The following KMT2D variants were observed in gnomAD, a reference collection of about 807,000 sequenced individuals.
KMT2D encodes the protein histone-lysine N-methyltransferase 2D.
A neutral mutation model predicts 512.7 loss-of-function variants in KMT2D; 55 were observed. That is an observed-to-expected ratio of 0.11 (90% CI 0.09 to 0.13). The LOEUF (loss-of-function observed/expected upper bound fraction) is 0.13. Ranked by LOEUF, KMT2D falls within the 10% of genes least tolerant of loss-of-function variation. The pLI is 1.00. For synonymous variants in KMT2D, 2,995 were observed against 2,904.0 expected, an observed-to-expected ratio of 1.03 and a Z score of -1.01; for missense variants, 6,061 against 7,127.9, an observed-to-expected ratio of 0.85 and a Z score of 5.39.
At chr12:49,023,180 C>T (rs1565754430) in intron 51 of KMT2D, among the ~76,000 whole-genome samples, 1 of 152,150 alleles carries the variant, frequency 6.6e-6, no homozygotes, top group Admixed American at 6.5e-5. Context: ...TCTCCCATCT[C>T]CCACTTCCTA....
chr12:49,020,291 G>T lies in KMT2D; in HGVS notation c.*1489C>A. The T allele has an allele frequency of 5.9e-6, 1 of 170,304 alleles. No individual in the cohort carries two copies. Among genetic ancestry groups the T allele is most frequent in the Non-Finnish European group, 1.3e-5 (1 of 78,652 alleles). The allele number at this position is 170,304 out of a possible 1,614,324, so 10.5% of individuals were successfully genotyped here. ...ACAGCAGTCACAGCCAGGGGGTGGG[G>T]AGTGGGGTGGGGGGTGAGGAAAAGG... On this transcript the variant is annotated 3_prime_UTR_variant, in exon 55 of 55. Transcript: ENST00000301067.
At position 49,053,334 on chromosome 12, in the gene KMT2D, A is replaced by G. The variant is rs773913309; in HGVS notation, c.840-13T>C. ...ATTCCCAGGTTTCCTGCAGGTGCAC[A>G]TGGAACATTACAGTGTCCTCTCTGC... On this transcript the variant is annotated splice_polypyrimidine_tract_variant and intron_variant, in intron 7 of 54. Coordinates refer to ENST00000301067, the MANE Select transcript of KMT2D (RefSeq NM_003482.4). 3 of 1,609,256 alleles carry G rather than the reference A, an allele frequency of 1.9e-6. No homozygotes were observed. The highest frequency in any genetic ancestry group is 2.6e-6 in the Non-Finnish European group (3 of 1,175,796).
rs1938679545 is a variant in KMT2D at position 49,060,396 on chromosome 12, GCCCCGC to G, written c.-827_-822del. 6.6e-6 allele frequency among the ~76,000 whole-genome samples: 1 copy of G among 151,954 alleles called. No individual in the cohort carries two copies. The highest frequency in any genetic ancestry group is 1.5e-5 in the Non-Finnish European group (1 of 67,928). ...CCCTTCCCCTCTGGCCTCGGGAGCT[GCCCCGC>G]CCCCGGCCTGGCCGGCTCTGGTCGG... On this transcript the variant is annotated 5_prime_UTR_variant, in exon 1 of 55. Coordinates refer to ENST00000301067, the MANE Select transcript of KMT2D (RefSeq NM_003482.4).
Position 49,037,927 on chromosome 12 carries a change from GGGCTCT to G in KMT2D, c.9423_9428del (p.Glu3142_Pro3143del). The stretch of plus-strand genomic sequence containing the variant: ...GGCCAAGGGAATTGGCAGCAGGTGC[GGGCTCT>G]ACCTTGGGGGTAGCAATGGTGAATT... On this transcript the variant is annotated inframe_deletion, in exon 35 of 55. Transcript: ENST00000301067. 6.2e-7 allele frequency: 1 copy of G among 1,604,598 alleles called. No individual in the cohort carries two copies. The highest frequency in any genetic ancestry group is 8.5e-7 in the Non-Finnish European group (1 of 1,175,886).
chr12:49,031,986 G>A lies in KMT2D; in HGVS notation c.12719C>T (p.Thr4240Ile), dbSNP rs749722861. Residue 4240 changes from threonine (T) to isoleucine (I), a missense_variant, in exon 40 of 55, where the codon ACC (threonine) becomes ATC (isoleucine). By Grantham distance (89) the Thr-to-Ile change is moderately conservative (BLOSUM62 -1). Around this residue, in one of 16 missense-constraint regions of KMT2D, gnomAD observed 1,600 missense variants for 1,754.9 expected, o/e 0.91. Transcript: ENST00000301067. The part of the protein sequence containing the change: ...QLQQSQAVRQ[T>I]PPYQEPGTQT... ...GGTCCCAGGCTCCTGGTAGGGTGGGGTCTGGCGTACTGCCTGACTCTGCTG... is the reference window on the plus strand; with the variant it reads ...GGTCCCAGGCTCCTGGTAGGGTGGGATCTGGCGTACTGCCTGACTCTGCTG... 3 of 1,586,986 alleles carry A rather than the reference G, an allele frequency of 1.9e-6. No homozygotes were observed. Among genetic ancestry groups the A allele is most frequent in the Non-Finnish European group, 2.6e-6 (3 of 1,164,024 alleles).
intron 2 of KMT2D, 104 bp from the exon 3 acceptor site, chr12:49,055,130 G>A (rs2120717074): frequency 2.6e-6 from 4 of 1,559,490 alleles, no homozygotes; most frequent in Non-Finnish European, 2.6e-6. Flanking sequence ...GGATCAGAGT[G>A]ATGATATTTC....
At position 49,024,628 on chromosome 12, in the gene KMT2D, G is replaced by T; in HGVS notation, c.16002C>A (p.Asn5334Lys). Residue 5334 changes from asparagine (N) to lysine (K), a missense_variant, in exon 51 of 55, where the codon AAC becomes AAA. By Grantham distance (94) the Asn-to-Lys change is moderately conservative. Coordinates refer to ENST00000301067, the MANE Select transcript of KMT2D (RefSeq NM_003482.4). This position sits in a 1 kb window ranked among gnomAD's most constrained non-coding sequence, Gnocchi z 4.5. ...GCTCTGATCGGGCACAGCCAGTGGG[G>T]TTGATCATGAGTGGCAGCTCCATAA... ...HPLMELPLMI[N>K]PTGCARSEPK... 1 of 1,613,946 alleles carries T rather than the reference G, an allele frequency of 6.2e-7. No individual in the cohort carries two copies. Among genetic ancestry groups the T allele is most frequent in the Non-Finnish European group, 8.5e-7 (1 of 1,179,860 alleles).
At position 49,053,226 on chromosome 12, in the gene KMT2D, G is replaced by A. The variant is rs750484458; in HGVS notation, c.935C>T (p.Ala312Val). 1.2e-6 allele frequency: 2 copies of A among 1,613,708 alleles called. No individual in the cohort carries two copies. Among genetic ancestry groups the A allele is most frequent in the Non-Finnish European group, 1.7e-6 (2 of 1,179,720 alleles). The part of the protein sequence containing the change: ...CLKPPMEELP[A>V]HSWKCKACRV... ...ACTCACCTTGCACTTCCAAGAGTGA[G>A]CAGGCAGTTCCTCCATGGGTGGTTT... Residue 312 changes from alanine to valine, a missense_variant, in exon 8 of 55, where the codon GCT becomes GTT. Coordinates refer to ENST00000301067, the MANE Select transcript of KMT2D (RefSeq NM_003482.4).
Position 49,040,219 on chromosome 12 carries a change from A to G in KMT2D, c.7551T>C (p.Asn2517=). ...HAKVPSGQPP[N]FVRSPGTGAF... is the part of the protein sequence containing the mutation. Reference sequence around the variant, plus strand: ...CACCCGTCCCAGGGGACCGGACAAAATTGGGGGGCTGCCCACTTGGGACCT... The same window carrying G: ...CACCCGTCCCAGGGGACCGGACAAAGTTGGGGGGCTGCCCACTTGGGACCT... Residue 2517 remains asparagine (N), a synonymous_variant, in exon 32 of 55, where the codon AAT becomes AAC. Coordinates refer to ENST00000301067, the MANE Select transcript of KMT2D (RefSeq NM_003482.4). 6.2e-7 allele frequency: 1 copy of G among 1,613,042 alleles called. No homozygotes were observed. The highest frequency in any genetic ancestry group is 1.3e-5 in the African/African-American group (1 of 74,968).
intron 19 of KMT2D, among the ~76,000 whole-genome samples, chr12:49,045,458 ACGGTG>A (rs1943739094): frequency 6.6e-6 from 1 of 152,100 alleles, no homozygotes; most frequent in Admixed American, 6.6e-5. Context: ...CCTGGCTAAC[ACGGTG>A]AAACCCCATC....
rs1942219574 is a variant in KMT2D at position 49,019,835 on chromosome 12, C to A, written c.*1945G>T. 5.4e-6 allele frequency: 1 copy of A among 186,352 alleles called. No individual in the cohort carries two copies. The highest frequency in any genetic ancestry group is 1.1e-5 in the Non-Finnish European group (1 of 89,870). The allele number at this position is 186,352 out of a possible 1,614,324, so 11.5% of individuals were successfully genotyped here. A position where few individuals can be genotyped will look rare whatever the true frequency, so the allele number is the denominator to read the frequency against. ...TCTCCCTACCCCCAACAATCCACAA[C>A]CCCCCAAATTCAAAACAAAACAAAA... On this transcript the variant is annotated 3_prime_UTR_variant, in exon 55 of 55. Coordinates refer to ENST00000301067, the MANE Select transcript of KMT2D (RefSeq NM_003482.4).
intron 13 of KMT2D, 78 bp from the exon 14 acceptor site, chr12:49,048,847 G>T: frequency 1.0e-6 from 1 of 989,990 alleles, no homozygotes. Context: ...GGTGTTGGGG[G>T]AAGAAAGTGT....
At chr12:49,056,993 G>A in intron 1 of KMT2D, among the ~76,000 whole-genome samples, 1 of 152,138 alleles carries the variant, frequency 6.6e-6, no homozygotes, top group Non-Finnish European at 1.5e-5. Flanking sequence ...AGCATCACCT[G>A]ATACACATCA....
intron 51 of KMT2D, among the ~76,000 whole-genome samples, chr12:49,023,446 T>C (rs1257182894): frequency 1.3e-5 from 2 of 152,244 alleles, no homozygotes; most frequent in Admixed American, 6.5e-5. Flanking sequence ...CATTGGGCTC[T>C]GTGCAGATGG....
chr12:49,057,844 G>A (rs1033358156), intron 1 of KMT2D, among the ~76,000 whole-genome samples: 1 of 152,168 alleles, frequency 6.6e-6, no homozygotes, highest in Admixed American at 6.5e-5. Context: ...CACAGAACTA[G>A]AGATCCCAGA....
Position 49,022,215 on chromosome 12 carries a change from TC to T in KMT2D, c.16412+64del. On this transcript the variant is annotated intron_variant, in intron 53 of 54. Coordinates refer to ENST00000301067, the MANE Select transcript of KMT2D (RefSeq NM_003482.4). The surrounding 1 kb of genome is among the most constrained non-coding windows in gnomAD (Gnocchi z 8.6). ...ACTTGGGACAATTTTGATTCCTTGTTCGTCTATCCCCCAGAGTGCCACTCTC... is the reference window on the plus strand; with the variant it reads ...ACTTGGGACAATTTTGATTCCTTGTTGTCTATCCCCCAGAGTGCCACTCTC... 1 of 1,602,582 alleles carries T rather than the reference TC, an allele frequency of 6.2e-7. No individual in the cohort carries two copies.
rs1196290590 is a variant in KMT2D at position 49,051,153 on chromosome 12, G to A, written c.2530C>T (p.Pro844Ser). 5 of 1,519,054 alleles carry A rather than the reference G, an allele frequency of 3.3e-6. No homozygotes were observed. The highest frequency in any genetic ancestry group is 3.5e-6 in the Non-Finnish European group (4 of 1,132,664). The allele number at this position is 1,519,054 out of a possible 1,614,324, so 94.1% of individuals were successfully genotyped here. The stretch of plus-strand genomic sequence containing the variant: ...GACAGATGCGATTCCTCAGGCCGGG[G>A]GGACAGGCATGGCTCCTCAGACTGG... ...SPQSEEPCLS[P>S]RPEESHLSPE... The change falls in exon 11 of 55, where the codon CCC becomes TCC. Residue 844 changes from proline (P) to serine (S), a missense_variant. Transcript: ENST00000301067.
Position 49,041,472 on chromosome 12 carries a change from G to C in KMT2D, c.6298C>G (p.Pro2100Ala), listed in dbSNP as rs1943527841. 1 of 1,613,500 alleles carries C rather than the reference G, an allele frequency of 6.2e-7. No individual in the cohort carries two copies. Among genetic ancestry groups the C allele is most frequent in the South Asian group, 1.1e-5 (1 of 91,090 alleles). Reference sequence around the variant, plus strand: ...GGGGGAATGCGGAGATGTAGGGCCGGTCGGTCAGTCTTACGGGCTATGTCG... The same window carrying C: ...GGGGGAATGCGGAGATGTAGGGCCGCTCGGTCAGTCTTACGGGCTATGTCG... ...VGDIARKTDR[P>A]ALHLRIPPQP... Residue 2100 changes from proline (P) to alanine (A), a missense_variant, in exon 32 of 55, where the codon CCG (proline) becomes GCG (alanine). By Grantham distance (27) the Pro-to-Ala change is conservative. Coordinates refer to ENST00000301067, the MANE Select transcript of KMT2D (RefSeq NM_003482.4). This position sits in a 1 kb window ranked among gnomAD's most constrained non-coding sequence, Gnocchi z 5.4.
rs2120521789 is a variant in KMT2D, at chr12:49,040,072, A to G, written c.7698T>C (p.Phe2566=). The change falls in exon 32 of 55, where the codon TTT becomes TTC. Residue 2566 remains phenylalanine (F), a synonymous_variant. Transcript: ENST00000301067. ...GCTTGCCCAAGGTGGGGCCGGGCCC[A>G]AAATGGCTGTTGATCCCATGGGGTG... ...LPPPHGINSH[F]GPGPTLGKPQ... The G allele has an allele frequency of 1.2e-6, 2 of 1,613,976 alleles. No individual in the cohort carries two copies. The highest frequency in any genetic ancestry group is 2.2e-5 in the South Asian group (2 of 91,076).
Sources: gnomAD v4.1 joint callset for allele counts (sites outside exome capture counted in the v4.1 genomes callset) on GRCh38, gnomAD v4.1.1 for gene constraint, gnomAD v4.1.1 regional missense constraint, Gnocchi (gnomAD v3.1) non-coding constraint, MANE v1.5 for transcripts, NCBI Gene and HGNC (gene_info 2026-07-23, HGNC 2026-07-21) for gene names.